The following CNBD1 variants were observed in gnomAD, a reference collection of about 807,000 sequenced individuals.
CNBD1 encodes the protein cyclic nucleotide binding domain containing 1, also known as cyclic nucleotide-binding domain-containing protein 1.
A neutral mutation model predicts 54.4 loss-of-function variants in CNBD1; 71 were observed. That is an observed-to-expected ratio of 1.30 (90% confidence interval 1.08 to 1.59). The LOEUF is 1.59. Ranked by LOEUF, CNBD1 falls within the 40% of genes most tolerant of loss-of-function variation. CNBD1 has a pLI of 0.00. For missense variants in CNBD1, 659 were observed against 518.0 expected, an observed-to-expected ratio of 1.27 and a Z score of -2.64; for synonymous variants, 182 against 170.7, an observed-to-expected ratio of 1.07 and a Z score of -0.51.
intron 4 of CNBD1, among the ~76,000 whole-genome samples, chr8:86,947,676 T>C (rs1351278073): frequency 6.6e-6 from 1 of 152,132 alleles, no homozygotes; most frequent in African/African-American, 2.4e-5. Context: ...GCACATGAGA[T>C]GTTTTGATAC....
intron 4 of CNBD1, among the ~76,000 whole-genome samples, chr8:86,958,871 A>G (rs567471649): frequency 6.6e-6 from 1 of 152,288 alleles, no homozygotes; most frequent in Non-Finnish European, 1.5e-5. Context: ...TCCTGTCATT[A>G]TGATATTAGC....
intron 3 of CNBD1, among the ~76,000 whole-genome samples, chr8:86,918,086 T>A (rs1353119850): frequency 6.6e-6 from 1 of 152,186 alleles, no homozygotes; most frequent in Non-Finnish European, 1.5e-5. Flanking sequence ...AACTATATCC[T>A]TTTAAAGGGG....
intron 1 of CNBD1, among the ~76,000 whole-genome samples, chr8:86,866,927 C>T (rs1257014958): frequency 6.6e-6 from 1 of 152,116 alleles, no homozygotes; most frequent in Non-Finnish European, 1.5e-5. Context: ...AGCAGATCTT[C>T]TACTCCCTAC....
intron 10 of CNBD1, among the ~76,000 whole-genome samples, chr8:87,381,151 A>G (rs932515831): frequency 5.3e-5 from 8 of 152,078 alleles, no homozygotes; most frequent in Non-Finnish European, 1.0e-4. Flanking sequence ...TAAAGGATTA[A>G]TCTCCAAAAT....
intron 4 of CNBD1, among the ~76,000 whole-genome samples, chr8:87,075,585 A>G (rs961018170): frequency 4.7e-4 from 72 of 152,018 alleles, no homozygotes; most frequent in African/African-American, 1.7e-3. Context: ...CTTCCCTACT[A>G]TATAAACTCC....
chr8:87,134,779 A>AT lies in CNBD1; in HGVS notation c.432-71202dup, dbSNP rs544188305. ...CACCATGCCAGGCTAATATTTTTGA[A>AT]TTTTTTTTTTTTAGTAGAGATGGGT... On this transcript the variant is annotated intron_variant, in intron 4 of 10. Coordinates refer to ENST00000518476, the MANE Select transcript of CNBD1 (RefSeq NM_173538.3). Among the ~76,000 whole-genome samples, 479 of 141,708 alleles carry AT rather than the reference A, an allele frequency of 3.4e-3. 2 individuals are homozygous for AT. Among genetic ancestry groups the AT allele is most frequent in the East Asian group, 0.018 (86 of 4,900 alleles). 93.0% of individuals were successfully genotyped at this position (141,708 alleles called of 152,430 possible).
At chr8:87,300,526 A>G (rs1024580092) in intron 8 of CNBD1, among the ~76,000 whole-genome samples, 2 of 152,198 alleles carry the variant, frequency 1.3e-5, no homozygotes, top group African/African-American at 4.8e-5. Context: ...CGTTAGGGCC[A>G]CTAGCTGGTC....
intron 4 of CNBD1, among the ~76,000 whole-genome samples, chr8:86,963,900 C>T (rs1586166565): frequency 6.6e-6 from 1 of 152,302 alleles, no homozygotes; most frequent in South Asian, 2.1e-4. Context: ...GACCTTGCCA[C>T]CCATGTCTCA....
chr8:87,060,360 T>A (rs1810516445), intron 4 of CNBD1, among the ~76,000 whole-genome samples: 1 of 152,216 alleles, frequency 6.6e-6, no homozygotes, highest in African/African-American at 2.4e-5. Context: ...AAGTCCTATA[T>A]TACAGCAACT....
At chr8:87,210,515 T>G (rs566467395) in intron 5 of CNBD1, among the ~76,000 whole-genome samples, 2 of 152,284 alleles carry the variant, frequency 1.3e-5, no homozygotes, top group South Asian at 4.1e-4. Flanking sequence ...AACAATGGTT[T>G]TGTGGGCCTG....
At chr8:87,358,130 A>G (rs1796798464) in intron 10 of CNBD1, among the ~76,000 whole-genome samples, 1 of 152,196 alleles carries the variant, frequency 6.6e-6, no homozygotes. Context: ...CAACTTGCAG[A>G]ACTATCAGTC....
At chr8:86,867,196 T>C (rs1808377629) in intron 1 of CNBD1, among the ~76,000 whole-genome samples, 1 of 152,022 alleles carries the variant, frequency 6.6e-6, no homozygotes, top group African/African-American at 2.4e-5. Flanking sequence ...CTTAAGATTG[T>C]AAACACTTCT....
intron 8 of CNBD1, among the ~76,000 whole-genome samples, chr8:87,306,964 C>G (rs1040833604): frequency 2.6e-5 from 4 of 151,982 alleles, no homozygotes; most frequent in African/African-American, 9.7e-5. Context: ...AAAAAATGTA[C>G]TCAATAACTA....
At chr8:87,062,765 C>T (rs926585259) in intron 4 of CNBD1, among the ~76,000 whole-genome samples, 1 of 151,814 alleles carries the variant, frequency 6.6e-6, no homozygotes, top group Non-Finnish European at 1.5e-5. Flanking sequence ...GTACATTATA[C>T]TTTATTTTCT....
At chr8:86,894,375 T>G (rs1412699823) in intron 2 of CNBD1, among the ~76,000 whole-genome samples, 1 of 152,138 alleles carries the variant, frequency 6.6e-6, no homozygotes, top group African/African-American at 2.4e-5. Context: ...GATTAATTTT[T>G]GAATAATTTT....
chr8:86,930,560 G>A (rs914407613), intron 3 of CNBD1, among the ~76,000 whole-genome samples: 2 of 152,196 alleles, frequency 1.3e-5, no homozygotes, highest in East Asian at 1.9e-4. Context: ...CAAAGGCAAA[G>A]AGAAACTGGG....
chr8:87,341,973 T>C (rs1004453483), intron 8 of CNBD1, among the ~76,000 whole-genome samples: 2 of 152,162 alleles, frequency 1.3e-5, no homozygotes, highest in Non-Finnish European at 2.9e-5. Context: ...CTGGGTTTCT[T>C]ACAAACAAAA....
intron 8 of CNBD1, among the ~76,000 whole-genome samples, chr8:87,345,682 G>T (rs980589247): frequency 6.6e-6 from 1 of 151,842 alleles, no homozygotes; most frequent in Non-Finnish European, 1.5e-5. Flanking sequence ...AACTAAGCAA[G>T]AAAATTAATG....
At chr8:87,288,593 C>A (rs1808735819) in intron 8 of CNBD1, among the ~76,000 whole-genome samples, 1 of 151,898 alleles carries the variant, frequency 6.6e-6, no homozygotes, top group Admixed American at 6.6e-5. Flanking sequence ...ATCAAAAGTA[C>A]TAAAATTTTG....
Sources: allele counts gnomAD v4.1 joint callset (sites outside exome capture counted in the v4.1 genomes callset), GRCh38; gene constraint gnomAD v4.1.1; transcripts MANE v1.5; gene names NCBI Gene and HGNC (gene_info 2026-07-23, HGNC 2026-07-21).